The following ANKS1B variants were observed in gnomAD, a reference collection of about 807,000 sequenced individuals.
ANKS1B encodes ankyrin repeat and sterile alpha motif domain-containing protein 1B.
In ANKS1B, 36 loss-of-function variants were observed where a neutral mutation model predicts 148.3. The ratio of observed to expected loss-of-function variants is 0.24; its 90% CI spans 0.19 to 0.32. ANKS1B has a LOEUF of 0.32. ANKS1B is among the 10% of genes least tolerant of loss of function. The pLI is 1.00. For missense variants in ANKS1B, 1,157 were observed against 1,542.6 expected (o/e 0.75, Z 4.19); for synonymous variants, 542 against 560.8 (o/e 0.97, Z 0.47).
intron 17 of ANKS1B, among the ~76,000 whole-genome samples, chr12:98,870,637 C>T (rs556163390): frequency 3.3e-5 from 5 of 152,322 alleles, no homozygotes; most frequent in African/African-American, 1.2e-4. Flanking sequence ...TAACTGGTAA[C>T]GAGGTGGTGA....
intron 8 of ANKS1B, among the ~76,000 whole-genome samples, chr12:99,732,459 C>T (rs1604175): frequency 0.44 from 66,261 of 151,728 alleles, 14,852 homozygotes; most frequent in South Asian, 0.61. Flanking sequence ...TACTCAGCAA[C>T]AAAAGGAATG....
intron 17 of ANKS1B, among the ~76,000 whole-genome samples, chr12:98,898,159 C>T (rs781521432): frequency 6.6e-6 from 1 of 152,044 alleles, no homozygotes; most frequent in Non-Finnish European, 1.5e-5. Context: ...CACCGTTATA[C>T]AACATATCCA....
chr12:99,799,337 CT>C (rs549468118), intron 4 of ANKS1B, among the ~76,000 whole-genome samples: 47 of 152,198 alleles, frequency 3.1e-4, no homozygotes, highest in Admixed American at 2.2e-3. Context: ...TCTCTTACTC[CT>C]CTGAGGCTAG....
At chr12:99,501,493 G>T (rs1417478783) in intron 10 of ANKS1B, among the ~76,000 whole-genome samples, 1 of 152,096 alleles carries the variant, frequency 6.6e-6, no homozygotes, top group Non-Finnish European at 1.5e-5. Context: ...ATCTGTGAGG[G>T]CTAGTTAGTA....
chr12:98,922,076 C>T (rs1477416451), intron 17 of ANKS1B, among the ~76,000 whole-genome samples: 1 of 152,186 alleles, frequency 6.6e-6, no homozygotes, highest in Non-Finnish European at 1.5e-5. Context: ...TTCAGAGTTA[C>T]TCTGCAATTG....
chr12:99,941,058 T>C (rs2094906826), intron 1 of ANKS1B, among the ~76,000 whole-genome samples: 1 of 152,142 alleles, frequency 6.6e-6, no homozygotes, highest in Non-Finnish European at 1.5e-5. Context: ...TTCAATGGTC[T>C]CCTTAGTACC....
chr12:99,008,303 C>CTCTCTCCCTCCT (rs2099937352), intron 17 of ANKS1B, among the ~76,000 whole-genome samples: 1 of 152,142 alleles, frequency 6.6e-6, no homozygotes, highest in African/African-American at 2.4e-5. Flanking sequence ...TCCTCCCTCC[C>CTCTCTCCCTCCT]TCTCTCCCTC....
At chr12:99,004,234 A>C (rs2099934775) in intron 17 of ANKS1B, among the ~76,000 whole-genome samples, 1 of 152,208 alleles carries the variant, frequency 6.6e-6, no homozygotes, top group South Asian at 2.1e-4. Flanking sequence ...CATTTGTTTC[A>C]GCCACTGTAC....
chr12:99,106,921 G>A (rs192025379), intron 15 of ANKS1B, among the ~76,000 whole-genome samples: 1 of 152,180 alleles, frequency 6.6e-6, no homozygotes, highest in African/African-American at 2.4e-5. Context: ...AGCTTGATAG[G>A]TTAAGTGTCT....
intron 2 of ANKS1B, among the ~76,000 whole-genome samples, chr12:99,823,933 G>A (rs1028148536): frequency 6.6e-6 from 1 of 152,066 alleles, no homozygotes; most frequent in African/African-American, 2.4e-5. Flanking sequence ...TCTCTAACCT[G>A]TTTATTGGTC....
At chr12:99,077,826 T>C (rs967428155) in intron 16 of ANKS1B, among the ~76,000 whole-genome samples, 2 of 152,180 alleles carry the variant, frequency 1.3e-5, no homozygotes, top group African/African-American at 4.8e-5. Context: ...TGTAACTTCT[T>C]TGAAAGAATG....
chr12:99,243,795 A>C (rs1040292527), intron 14 of ANKS1B, among the ~76,000 whole-genome samples: 1 of 152,092 alleles, frequency 6.6e-6, no homozygotes, highest in Non-Finnish European at 1.5e-5. Context: ...CAAACACCAC[A>C]TGTTCTCACT....
chr12:99,475,481 A>T (rs942220567), intron 10 of ANKS1B, among the ~76,000 whole-genome samples: 6 of 151,812 alleles, frequency 4.0e-5, no homozygotes, highest in African/African-American at 1.4e-4. Context: ...TGTATCATTT[A>T]AAAAACTATA....
intron 17 of ANKS1B, among the ~76,000 whole-genome samples, chr12:98,962,085 A>G (rs545696355): frequency 7.2e-4 from 110 of 152,130 alleles, no homozygotes; most frequent in African/African-American, 2.5e-3. Context: ...TATCAGTAAT[A>G]ACATTGAATG....
At chr12:99,967,464 G>C (rs1160584168) in intron 1 of ANKS1B, among the ~76,000 whole-genome samples, 2 of 152,082 alleles carry the variant, frequency 1.3e-5, no homozygotes, top group African/African-American at 4.8e-5. Flanking sequence ...TGTTACCCAG[G>C]CTGGAGTGCA....
chr12:99,770,009 T>C (rs1047421965), intron 8 of ANKS1B, among the ~76,000 whole-genome samples: 1 of 152,194 alleles, frequency 6.6e-6, no homozygotes, highest in African/African-American at 2.4e-5. Context: ...AATGAGTATC[T>C]GTAAATATTC....
At chr12:99,228,616 A>G (rs750925178) in intron 14 of ANKS1B, among the ~76,000 whole-genome samples, 1 of 152,114 alleles carries the variant, frequency 6.6e-6, no homozygotes, top group Non-Finnish European at 1.5e-5. Flanking sequence ...TATCCATAAA[A>G]TTATTAATAC....
intron 14 of ANKS1B, among the ~76,000 whole-genome samples, chr12:99,192,825 AG>A (rs1490748067): frequency 6.6e-6 from 1 of 152,090 alleles, no homozygotes; most frequent in East Asian, 1.9e-4. Flanking sequence ...AAAACCATTA[AG>A]AAGATTATCT....
intron 14 of ANKS1B, among the ~76,000 whole-genome samples, chr12:99,183,487 C>T (rs1034807819): frequency 8.6e-5 from 13 of 152,006 alleles, no homozygotes; most frequent in Non-Finnish European, 1.8e-4. Flanking sequence ...ACTAAAAATA[C>T]AAAAAATTAG....
Sources: allele counts gnomAD v4.1 joint callset (sites outside exome capture counted in the v4.1 genomes callset), GRCh38; gene constraint gnomAD v4.1.1; transcripts MANE v1.5; gene names NCBI Gene and HGNC (gene_info 2026-07-23, HGNC 2026-07-21).